Variants in PIK3CB observed in about 807,000 individuals in gnomAD.
PIK3CB encodes the protein phosphatidylinositol-4,5-bisphosphate 3-kinase catalytic subunit beta.
Under a neutral mutation model 136.8 loss-of-function variants are expected in PIK3CB, and 39 were observed. The ratio of observed to expected loss-of-function variants is 0.29; its 90% CI spans 0.22 to 0.37. The LOEUF (loss-of-function observed/expected upper bound fraction) is 0.37. Among genes scored for constraint, PIK3CB ranks in the 10% least tolerant of loss-of-function variants. PIK3CB has a pLI of 1.00. For synonymous variants in PIK3CB, 428 were observed against 436.6 expected (o/e 0.98, Z 0.25); for missense variants, 868 against 1,275.4 (o/e 0.68, Z 4.87).
intron 2 of PIK3CB, among the ~76,000 whole-genome samples, chr3:138,771,278 A>C (rs975301278): frequency 6.9e-6 from 1 of 144,540 alleles, no homozygotes; most frequent in South Asian, 2.2e-4. Context: ...GCTGGAGTGC[A>C]GTGGCGCGAT....
chr3:138,767,993 G>A (rs545944423), intron 2 of PIK3CB, among the ~76,000 whole-genome samples: 80 of 152,336 alleles, frequency 5.3e-4, no homozygotes, highest in African/African-American at 1.9e-3. Flanking sequence ...TCAATTGGCA[G>A]GTCCCAAGAA....
intron 1 of PIK3CB, among the ~76,000 whole-genome samples, chr3:138,827,277 G>A (rs1444703753): frequency 6.6e-6 from 1 of 152,114 alleles, no homozygotes; most frequent in African/African-American, 2.4e-5. Context: ...ATTCACACTC[G>A]TTTTTGTCAT....
intron 12 of PIK3CB, among the ~76,000 whole-genome samples, chr3:138,700,066 T>A (rs191170176): frequency 0.01 from 1,580 of 151,972 alleles, 18 homozygotes; most frequent in Non-Finnish European, 0.014. Flanking sequence ...TAAAAAAAAA[T>A]TTTTAAATAG....
rs74429238 is a variant in PIK3CB, at chr3:138,722,108, C to T, written c.1051-7389G>A. Among the ~76,000 whole-genome samples, 1,029 of 148,776 alleles carry T rather than the reference C, an allele frequency of 6.9e-3. 36 individuals are homozygous for T. The East Asian group carries it at 0.084, about 12-fold the overall frequency. ...GGATCTAATATTATACACATACCTA[C>T]TAGGAATCTTGCTACTGGGTGTTTT... On this transcript the variant is annotated intron_variant, in intron 8 of 23. Transcript: ENST00000674063.
intron 1 of PIK3CB, chr3:138,825,183 T>C (rs145672137): frequency 3.0e-4 from 90 of 295,492 alleles, no homozygotes; most frequent in East Asian, 3.0e-3. Flanking sequence ...CCTATGAAAA[T>C]ATGAGAACAG....
chr3:138,735,837 A>G (rs938154956), intron 6 of PIK3CB, among the ~76,000 whole-genome samples: 60 of 152,166 alleles, frequency 3.9e-4, no homozygotes, highest in African/African-American at 1.3e-3. Flanking sequence ...TTGTCAGAGA[A>G]AAAAAACTTC....
At chr3:138,828,649 T>G (rs975764189) in intron 1 of PIK3CB, among the ~76,000 whole-genome samples, 1 of 152,082 alleles carries the variant, frequency 6.6e-6, no homozygotes, top group African/African-American at 2.4e-5. Flanking sequence ...CTAAAGCTAC[T>G]GGGGAGACTG....
Position 138,683,732 on chromosome 3 carries a change from T to C in PIK3CB, c.2371A>G (p.Asn791Asp). ...SKMKPLWLVY[N>D]NKVFGEDSVG... The stretch of plus-strand genomic sequence containing the variant: ...GAATCCTCACCAAATACCTTGTTAT[T>C]GTATACCAGCCACAAAGGCTTCATT... Residue 791 changes from asparagine (N) to aspartate (D), a missense_variant, in exon 18 of 24, where the codon AAT becomes GAT. By Grantham distance (23) the Asn-to-Asp change is conservative. This residue lies in a region of PIK3CB where 165 missense variants were observed against 295.4 expected (regional missense o/e 0.56). Transcript: ENST00000674063. 1 of 1,609,074 alleles carries C rather than the reference T, an allele frequency of 6.2e-7. No individual in the cohort carries two copies.
rs566059035 is a variant in PIK3CB, at chr3:138,748,292, A to G, written c.398-5511T>C. ...AGTATACTAACCCAACACCAATCAC[A>G]TAAGATGCCTTGCTTCTAATTAGCC... On this transcript the variant is annotated intron_variant, in intron 4 of 23. Coordinates refer to ENST00000674063, the MANE Select transcript of PIK3CB (RefSeq NM_006219.3). Among the ~76,000 whole-genome samples the G allele has an allele frequency of 2.0e-5, 3 of 152,096 alleles. No homozygotes were observed. The South Asian group carries it at 6.2e-4, about 32-fold the overall frequency.
rs201720744 is a variant in PIK3CB, at chr3:138,689,290, C to CA, written c.2037-317dup. Among the ~76,000 whole-genome samples the CA allele has an allele frequency of 6.1e-3, 929 of 152,230 alleles. 8 individuals are homozygous for CA. Among genetic ancestry groups the CA allele is most frequent in the African/African-American group, 0.021 (874 of 41,550 alleles). On this transcript the variant is annotated intron_variant, in intron 15 of 23. Transcript: ENST00000674063. ...AGGATGCAAGATGAAGTGATGTGCA[C>CA]AAAAAATGAGTCCTGGACTTAGAAG... is the stretch of plus-strand genomic sequence containing the variant.
chr3:138,785,859 G>A (rs1448769768), intron 2 of PIK3CB, among the ~76,000 whole-genome samples: 1 of 150,792 alleles, frequency 6.6e-6, no homozygotes, highest in Non-Finnish European at 1.5e-5. Flanking sequence ...CTTATCTGAG[G>A]ATATGACATT....
intron 1 of PIK3CB, among the ~76,000 whole-genome samples, chr3:138,827,863 C>T (rs991910085): frequency 6.6e-6 from 1 of 151,418 alleles, no homozygotes; most frequent in African/African-American, 2.4e-5. Flanking sequence ...GTGGGGGCGC[C>T]TGTAATCCCA....
intron 12 of PIK3CB, among the ~76,000 whole-genome samples, chr3:138,703,095 T>C (rs1016762359): frequency 6.6e-6 from 1 of 152,216 alleles, no homozygotes; most frequent in South Asian, 2.1e-4. Flanking sequence ...AATTTGGCTA[T>C]TATGGTCCCA....
At chr3:138,754,220 C>T (rs973337944) in intron 4 of PIK3CB, among the ~76,000 whole-genome samples, 2 of 151,716 alleles carry the variant, frequency 1.3e-5, no homozygotes, top group Non-Finnish European at 2.9e-5. Context: ...GCAGACAGCT[C>T]GAGTCCAGGA....
chr3:138,730,575 T>TAA (rs1401888561), intron 8 of PIK3CB, among the ~76,000 whole-genome samples: 1 of 152,138 alleles, frequency 6.6e-6, no homozygotes, highest in African/African-American at 2.4e-5. Context: ...TATATATATA[T>TAA]AATATTCCAT....
intron 1 of PIK3CB, among the ~76,000 whole-genome samples, chr3:138,834,351 G>C (rs1327501450): frequency 6.6e-6 from 1 of 152,248 alleles, no homozygotes; most frequent in East Asian, 1.9e-4. Context: ...ATAGACGCGG[G>C]GCGCGAGTAC....
chr3:138,683,357 A>C (rs945544572), intron 18 of PIK3CB, among the ~76,000 whole-genome samples: 1 of 151,886 alleles, frequency 6.6e-6, no homozygotes, highest in African/African-American at 2.4e-5. Context: ...GTCTCAAAAA[A>C]AAAAAAAAAA....
intron 8 of PIK3CB, among the ~76,000 whole-genome samples, chr3:138,723,544 C>T (rs748415552): frequency 6.6e-6 from 1 of 151,920 alleles, no homozygotes; most frequent in Non-Finnish European, 1.5e-5. Flanking sequence ...AGCGAGACCC[C>T]GTCTCAAAAA....
At chr3:138,659,518 G>GA (rs113125507) in intron 21 of PIK3CB, among the ~76,000 whole-genome samples, 179 of 131,508 alleles carry the variant, frequency 1.4e-3, no homozygotes, top group Admixed American at 1.4e-3. Context: ...CTCCATCTCA[G>GA]AAAAAAAAAA....
Sources: allele counts gnomAD v4.1 joint callset (sites outside exome capture counted in the v4.1 genomes callset), GRCh38; gene constraint gnomAD v4.1.1; regional missense constraint gnomAD v4.1.1; transcripts MANE v1.5; gene names NCBI Gene and HGNC (gene_info 2026-07-23, HGNC 2026-07-21).